The following CD37 variants were observed in gnomAD, a reference collection of about 807,000 sequenced individuals.
CD37 encodes leukocyte antigen CD37.
A neutral mutation model predicts 38.9 loss-of-function variants in CD37; 37 were observed. The observed-to-expected ratio is 0.95, with a 90% confidence interval of 0.73 to 1.25. CD37 has a LOEUF of 1.25. Among genes scored for constraint, CD37 ranks in the 50% most tolerant of loss-of-function variants. The pLI, the probability that CD37 is intolerant of heterozygous loss-of-function variation, is 0.00. For missense variants in CD37, 351 were observed against 360.1 expected, an observed-to-expected ratio of 0.97 and a Z score of 0.20; for synonymous variants, 146 against 150.1, an observed-to-expected ratio of 0.97 and a Z score of 0.20.
chr19:49,338,568 C>T lies in CD37; in HGVS notation c.448-132C>T. The T allele has an allele frequency of 1.4e-6, 1 of 695,786 alleles. No individual in the cohort carries two copies. The highest frequency in any genetic ancestry group is 2.6e-6 in the Non-Finnish European group (1 of 390,306). 43.1% of individuals were successfully genotyped at this position (695,786 alleles called of 1,614,324 possible). A position where few individuals can be genotyped will look rare whatever the true frequency, so the allele number is the denominator to read the frequency against. ...CCGGCCCCATCGTGACCCCAGCCCA[C>T]TGTCCCCCACTCCACACCCACCACT... is the stretch of plus-strand genomic sequence containing the variant. On this transcript the variant is annotated intron_variant, in intron 5 of 7. Transcript: ENST00000323906. This position sits in a 1 kb window ranked among gnomAD's most constrained non-coding sequence, Gnocchi z 5.0.
Position 49,339,005 on chromosome 19 carries a change from T to C in CD37, c.684+69T>C. ...CCTGCGGGAGGGGGAGGGCTGTCAG[T>C]GAGTAGCGGCCTGAGAAAGGGCGGG... On this transcript the variant is annotated intron_variant, in intron 6 of 7. Coordinates refer to ENST00000323906, the MANE Select transcript of CD37 (RefSeq NM_001774.3). The surrounding 1 kb of genome is among the most constrained non-coding windows in gnomAD (Gnocchi z 4.5). 2.4e-6 allele frequency: 3 copies of C among 1,236,278 alleles called. No individual in the cohort carries two copies. Among genetic ancestry groups the C allele is most frequent in the Middle Eastern group, 2.2e-4 (1 of 4,490 alleles). The allele number at this position is 1,236,278 out of a possible 1,614,324, so 76.6% of individuals were successfully genotyped here.
rs967990607 is a variant in CD37 at position 49,339,457 on chromosome 19, A to G, written c.768+44A>G. On this transcript the variant is annotated intron_variant, in intron 7 of 7. Coordinates refer to ENST00000323906, the MANE Select transcript of CD37 (RefSeq NM_001774.3). This position sits in a 1 kb window ranked among gnomAD's most constrained non-coding sequence, Gnocchi z 4.5. The stretch of plus-strand genomic sequence containing the variant: ...CACCCGCGATCGGCCCTAAATCCCT[A>G]GATGGCCCTGCCCTTCATTTCGCGT... 2 of 1,580,682 alleles carry G rather than the reference A, an allele frequency of 1.3e-6. No homozygotes were observed. The highest frequency in any genetic ancestry group is 1.7e-5 in the Admixed American group (1 of 59,892).
Position 49,339,934 on chromosome 19 carries a change from G to A in CD37, c.769-317G>A. The A allele has an allele frequency of 7.3e-7, 1 of 1,373,418 alleles. No individual in the cohort carries two copies. Among genetic ancestry groups the A allele is most frequent in the Non-Finnish European group, 9.4e-7 (1 of 1,060,492 alleles). The allele number at this position is 1,373,418 out of a possible 1,614,324, so 85.1% of individuals were successfully genotyped here. A position where few individuals can be genotyped will look rare whatever the true frequency, so the allele number is the denominator to read the frequency against. The stretch of plus-strand genomic sequence containing the variant: ...CCAGCCTGACACTGGAAGTGCGGGC[G>A]CAGAATTAGAGGAGGCACAATTAGA... On this transcript the variant is annotated intron_variant, in intron 7 of 7. Transcript: ENST00000323906. This position sits in a 1 kb window ranked among gnomAD's most constrained non-coding sequence, Gnocchi z 4.5.
In CD37 at chr19:49,339,487, C is replaced by T. The variant is rs756599754; in HGVS notation, c.768+74C>T. On this transcript the variant is annotated intron_variant, in intron 7 of 7. Coordinates refer to ENST00000323906, the MANE Select transcript of CD37 (RefSeq NM_001774.3). The surrounding 1 kb of genome is among the most constrained non-coding windows in gnomAD (Gnocchi z 4.5). ...GCCCTGCCCTTCATTTCGCGTCCTTCGGTTGCCTGGGAAGGACGAGCTCAG... is the reference window on the plus strand; with the variant it reads ...GCCCTGCCCTTCATTTCGCGTCCTTTGGTTGCCTGGGAAGGACGAGCTCAG... The T allele has an allele frequency of 2.2e-5, 34 of 1,551,310 alleles. No homozygotes were observed. The East Asian group carries it at 7.4e-4, about 34-fold the overall frequency.
intron 2 of CD37, chr19:49,336,703 G>C (rs949702990): frequency 1.8e-5 from 10 of 562,174 alleles, no homozygotes; most frequent in African/African-American, 1.7e-4. Context: ...AAGAGGAAGA[G>C]AGACAGAGAT....
chr19:49,337,774 A>C (rs1971011973), intron 4 of CD37, 151 bp from the exon 5 acceptor site: 1 of 1,541,302 alleles, frequency 6.5e-7, no homozygotes, highest in Non-Finnish European at 8.7e-7. Context: ...AAGAAACAGA[A>C]AGACAGACCT....
rs75218499 is a variant in CD37 at position 49,335,776 on chromosome 19, G to C, written c.132G>C (p.Val44=). The C allele has an allele frequency of 1.9e-3, 3,097 of 1,612,720 alleles. 72 individuals carry two copies. In the East Asian group the frequency reaches 0.049, roughly 26 times the overall value. The part of the protein sequence containing the change: ...IWILIDKTSF[V]SFVGLAFVPL... Reference sequence around the variant, plus strand: ...TCCTCATTGACAAGACCAGCTTCGTGTCCTTTGTGGGTGAGGGGGGCTGGG... The same window carrying C: ...TCCTCATTGACAAGACCAGCTTCGTCTCCTTTGTGGGTGAGGGGGGCTGGG... Residue 44 remains valine (V), a synonymous_variant, in exon 2 of 8, where the codon GTG becomes GTC. Transcript: ENST00000323906. This position sits in a 1 kb window ranked among gnomAD's most constrained non-coding sequence, Gnocchi z 4.6.
In CD37 at chr19:49,340,394, T is replaced by G; in HGVS notation, c.*66T>G. 9.0e-7 allele frequency: 1 copy of G among 1,111,026 alleles called. No homozygotes were observed. The highest frequency in any genetic ancestry group is 1.4e-6 in the Non-Finnish European group (1 of 728,226). The allele number at this position is 1,111,026 out of a possible 1,614,324, so 68.8% of individuals were successfully genotyped here. A position where few individuals can be genotyped will look rare whatever the true frequency, so the allele number is the denominator to read the frequency against. On this transcript the variant is annotated 3_prime_UTR_variant, in exon 8 of 8. Coordinates refer to ENST00000323906, the MANE Select transcript of CD37 (RefSeq NM_001774.3). ...GCGCTGGGCACTTCCCTGCTGCCTG[T>G]AAATATTTGTTTAATCCCCAGTTCG...
intron 4 of CD37, chr19:49,337,557 G>A (rs1259864419): frequency 9.0e-7 from 1 of 1,113,288 alleles, no homozygotes; most frequent in African/African-American, 1.6e-5. Flanking sequence ...GGGAGTTTGA[G>A]GCTACAGTGA....
rs748968691 is a variant in CD37 at position 49,339,489 on chromosome 19, G to C, written c.768+76G>C. On this transcript the variant is annotated intron_variant, in intron 7 of 7. Coordinates refer to ENST00000323906, the MANE Select transcript of CD37 (RefSeq NM_001774.3). The surrounding 1 kb of genome is among the most constrained non-coding windows in gnomAD (Gnocchi z 4.5). ...CCTGCCCTTCATTTCGCGTCCTTCG[G>C]TTGCCTGGGAAGGACGAGCTCAGGG... The C allele has an allele frequency of 5.8e-6, 9 of 1,546,744 alleles. No individual in the cohort carries two copies. Among genetic ancestry groups the C allele is most frequent in the Admixed American group, 3.4e-5 (2 of 59,506 alleles).
chr19:49,337,105 T>A, intron 3 of CD37, 42 bp from the exon 4 acceptor site: 1 of 1,613,686 alleles, frequency 6.2e-7, no homozygotes, highest in Non-Finnish European at 8.5e-7. Context: ...TGGGCCGGGG[T>A]TGCAGGGGTG....
chr19:49,339,702 C>T lies in CD37; in HGVS notation c.768+289C>T. Reference sequence around the variant, plus strand: ...GCGTACAGCTACAGCGCAGGGCACTCCGCCGGAAATGCGAGCCGCACGTGC... The same window carrying T: ...GCGTACAGCTACAGCGCAGGGCACTTCGCCGGAAATGCGAGCCGCACGTGC... On this transcript the variant is annotated intron_variant, in intron 7 of 7. Transcript: ENST00000323906. This position sits in a 1 kb window ranked among gnomAD's most constrained non-coding sequence, Gnocchi z 4.5. 2.1e-6 allele frequency: 3 copies of T among 1,406,036 alleles called. No homozygotes were observed. The highest frequency in any genetic ancestry group is 2.8e-6 in the Non-Finnish European group (3 of 1,085,674). 87.1% of individuals were successfully genotyped at this position (1,406,036 alleles called of 1,614,324 possible).
In CD37 at chr19:49,335,977, T is replaced by C; in HGVS notation, c.142+191T>C. 1.6e-6 allele frequency: 1 copy of C among 614,762 alleles called. No homozygotes were observed. The highest frequency in any genetic ancestry group is 2.9e-6 in the Non-Finnish European group (1 of 345,024). The allele number at this position is 614,762 out of a possible 1,614,324, so 38.1% of individuals were successfully genotyped here. On this transcript the variant is annotated intron_variant, in intron 2 of 7. Coordinates refer to ENST00000323906, the MANE Select transcript of CD37 (RefSeq NM_001774.3). The surrounding 1 kb of genome is among the most constrained non-coding windows in gnomAD (Gnocchi z 4.6). ...ATGGGGTTGTGCATACAAACAACAA[T>C]GATCATGAGAGCCATTTCTCAAGCA...
In CD37 at chr19:49,339,156, G is replaced by A. The variant is rs1023223788; in HGVS notation, c.685-174G>A. Among the ~76,000 whole-genome samples, 2 of 152,086 alleles carry A rather than the reference G, an allele frequency of 1.3e-5. No homozygotes were observed. Among genetic ancestry groups the A allele is most frequent in the African/African-American group, 4.8e-5 (2 of 41,408 alleles). ...CTGGAATACAGATGTCTAGGGAGGG[G>A]CCAGGCTTGGAAAAGGTGAAGCGAG... On this transcript the variant is annotated intron_variant, in intron 6 of 7. Coordinates refer to ENST00000323906, the MANE Select transcript of CD37 (RefSeq NM_001774.3). This position sits in a 1 kb window ranked among gnomAD's most constrained non-coding sequence, Gnocchi z 4.5.
At chr19:49,337,568 GC>G (rs1214370401) in intron 4 of CD37, 32 of 1,214,346 alleles carry the variant, frequency 2.6e-5, no homozygotes, top group Non-Finnish European at 3.4e-5. Context: ...GCTACAGTGA[GC>G]CATGCACTCA....
In CD37 at chr19:49,338,337, G is replaced by T; in HGVS notation, c.447+308G>T. On this transcript the variant is annotated intron_variant, in intron 5 of 7. Transcript: ENST00000323906. The surrounding 1 kb of genome is among the most constrained non-coding windows in gnomAD (Gnocchi z 5.0). Reference sequence around the variant, plus strand: ...CTAGCGAGACACGGCTTCCTACCCCGTAGTGACTCTGGCTTCCACCGGACC... The same window carrying T: ...CTAGCGAGACACGGCTTCCTACCCCTTAGTGACTCTGGCTTCCACCGGACC... The T allele has an allele frequency of 1.8e-6, 1 of 552,144 alleles. No individual in the cohort carries two copies. Among genetic ancestry groups the T allele is most frequent in the South Asian group, 2.4e-5 (1 of 42,384 alleles). The allele number at this position is 552,144 out of a possible 1,614,324, so 34.2% of individuals were successfully genotyped here.
rs1134911 is a variant in CD37, at chr19:49,338,927, C to A, written c.675C>A (p.Ile225=). 6.2e-7 allele frequency: 1 copy of A among 1,612,254 alleles called. No individual in the cohort carries two copies. The highest frequency in any genetic ancestry group is 1.3e-5 in the African/African-American group (1 of 74,902). ...GCGCTGTCCCTGCAGAGAGCCACAT[C>A]TACCGCGAGGTGGGCAGGGGTTCGG... ...DICAVPAESH[I]YREGCAQGLQ... is the part of the protein sequence containing the mutation. Residue 225 remains isoleucine, a synonymous_variant, in exon 6 of 8, where the codon ATC becomes ATA. Transcript: ENST00000323906. This position sits in a 1 kb window ranked among gnomAD's most constrained non-coding sequence, Gnocchi z 5.0.
chr19:49,340,324 G>A lies in CD37; in HGVS notation c.842G>A (p.Arg281His), dbSNP rs373367270. ...GTCTACAACCGGCTCGCTCGATACC[G>A]TTAGGCCCCGCCCTCCCCAAAGTCC... ...DHVYNRLARY[R>H] The change falls in exon 8 of 8, where the codon CGT becomes CAT. Residue 281 changes from arginine to histidine, a missense_variant. Arg to His is a conservative substitution (Grantham distance 29). Coordinates refer to ENST00000323906, the MANE Select transcript of CD37 (RefSeq NM_001774.3). The A allele has an allele frequency of 6.2e-6, 10 of 1,610,810 alleles. No homozygotes were observed. The highest frequency in any genetic ancestry group is 3.3e-4 in the Middle Eastern group (2 of 6,080).
rs1312686993 is a variant in CD37 at position 49,338,946 on chromosome 19, G to T, written c.684+10G>T. The T allele has an allele frequency of 6.2e-7, 1 of 1,605,848 alleles. No homozygotes were observed. The highest frequency in any genetic ancestry group is 1.3e-5 in the African/African-American group (1 of 74,900). ...CCACATCTACCGCGAGGTGGGCAGG[G>T]GTTCGGAGCATAAACCTGTCGAATG... On this transcript the variant is annotated intron_variant, in intron 6 of 7. Transcript: ENST00000323906. This position sits in a 1 kb window ranked among gnomAD's most constrained non-coding sequence, Gnocchi z 5.0.
Sources: allele counts gnomAD v4.1 joint callset (sites outside exome capture counted in the v4.1 genomes callset), GRCh38; gene constraint gnomAD v4.1.1; non-coding constraint Gnocchi (gnomAD v3.1); transcripts MANE v1.5; gene names NCBI Gene and HGNC (gene_info 2026-07-23, HGNC 2026-07-21).